ITPRID1: variants seen among roughly 807,000 people sequenced by gnomAD.
ITPRID1 encodes ITPR interacting domain containing 1, also known as protein ITPRID1.
ITPRID1 carries 96 observed loss-of-function variants against 95.4 expected under a neutral mutation model. The observed-to-expected ratio is 1.01, with a 90% CI of 0.85 to 1.19. The LOEUF is 1.19. Ranked by LOEUF, ITPRID1 falls within the 50% of genes most tolerant of loss-of-function variation. The pLI is 0.00. For synonymous variants in ITPRID1, 510 were observed against 453.6 expected (o/e 1.12, Z -1.58); for missense variants, 1,339 against 1,252.9 (o/e 1.07, Z -1.04).
At chr7:31,627,223 A>ATGAT (rs1788546937) in intron 10 of ITPRID1, among the ~76,000 whole-genome samples, 1 of 152,224 alleles carries the variant, frequency 6.6e-6, no homozygotes, top group Non-Finnish European at 1.5e-5. Context: ...CAATCAGTAA[A>ATGAT]TGATTGTTAC....
intron 7 of ITPRID1, among the ~76,000 whole-genome samples, chr7:31,574,008 T>G (rs1338318557): frequency 1.3e-5 from 2 of 152,074 alleles, no homozygotes; most frequent in Non-Finnish European, 2.9e-5. Context: ...CAGAACACAT[T>G]TTAATTCTAC....
At chr7:31,539,462 G>A (rs1219429453) in intron 1 of ITPRID1, among the ~76,000 whole-genome samples, 1 of 152,168 alleles carries the variant, frequency 6.6e-6, no homozygotes, top group African/African-American at 2.4e-5. Flanking sequence ...TTACAGATGT[G>A]AGGCACTGCA....
At position 31,651,147 on chromosome 7, in the gene ITPRID1, A is replaced by G; in HGVS notation, c.2589A>G (p.Thr863=). The change falls in exon 13 of 15, where the codon ACA becomes ACG. Residue 863 remains threonine (T), a synonymous_variant. Coordinates refer to ENST00000615280, the MANE Select transcript of ITPRID1 (RefSeq NM_001257967.3). ...TTCTTTCTCATTGTTCTCAGTGCAC[A>G]GTCCATGAGATGGAAGCCATGAAGA... ...DTTVRELCSC[T]VHEMEAMKTI... is the part of the protein sequence containing the mutation. 1.2e-6 allele frequency: 2 copies of G among 1,612,954 alleles called. No individual in the cohort carries two copies. The highest frequency in any genetic ancestry group is 1.3e-5 in the African/African-American group (1 of 75,006).
chr7:31,553,625 T>C (rs941913050), intron 3 of ITPRID1, among the ~76,000 whole-genome samples: 2 of 152,190 alleles, frequency 1.3e-5, no homozygotes, highest in Admixed American at 6.5e-5. Flanking sequence ...CCTGCCCCCA[T>C]TATGTAACTG....
chr7:31,650,939 GC>G (rs1309961601), intron 12 of ITPRID1, among the ~76,000 whole-genome samples: 1 of 152,100 alleles, frequency 6.6e-6, no homozygotes, highest in Admixed American at 6.6e-5. Context: ...AACAACAGCT[GC>G]CCTTCTGTTG....
At chr7:31,616,620 TTTA>T in intron 10 of ITPRID1, among the ~76,000 whole-genome samples, 1 of 152,298 alleles carries the variant, frequency 6.6e-6, no homozygotes, top group South Asian at 2.1e-4. Context: ...TTATTTCAGC[TTTA>T]GAAATAAATA....
At position 31,646,878 on chromosome 7, in the gene ITPRID1, CA is replaced by C. The variant is rs577956117; in HGVS notation, c.2583+2932del. ...TTTCCTCTTAGAATTTGCAATTATA[CA>C]AAAAAAGGTACTTTTATATCCAGTT... On this transcript the variant is annotated intron_variant, in intron 12 of 14. Transcript: ENST00000615280. 1.8e-4 allele frequency among the ~76,000 whole-genome samples: 27 copies of C among 151,992 alleles called. No homozygotes were observed. The South Asian group carries it at 5.0e-3, about 28-fold the overall frequency.
chr7:31,560,474 C>T (rs1329502985), intron 5 of ITPRID1, among the ~76,000 whole-genome samples: 2 of 152,222 alleles, frequency 1.3e-5, no homozygotes, highest in Non-Finnish European at 2.9e-5. Context: ...AGGGTTGAAG[C>T]GGGATCCCAG....
intron 5 of ITPRID1, among the ~76,000 whole-genome samples, chr7:31,556,117 G>C (rs1025829020): frequency 6.6e-6 from 1 of 151,978 alleles, no homozygotes; most frequent in Non-Finnish European, 1.5e-5. Flanking sequence ...CATACTAAAA[G>C]CTTCACTTCC....
intron 10 of ITPRID1, among the ~76,000 whole-genome samples, chr7:31,596,958 A>G (rs535382655): frequency 1.3e-5 from 2 of 152,078 alleles, no homozygotes; most frequent in African/African-American, 4.8e-5. Flanking sequence ...TTTTTCATAA[A>G]TTTGAGGATG....
chr7:31,532,301 G>A (rs966293521), intron 1 of ITPRID1, among the ~76,000 whole-genome samples: 1 of 152,052 alleles, frequency 6.6e-6, no homozygotes, highest in African/African-American at 2.4e-5. Flanking sequence ...TGTTTGTTAT[G>A]TTGCCCATTA....
chr7:31,535,676 T>G (rs1207290961), intron 1 of ITPRID1, among the ~76,000 whole-genome samples: 1 of 152,076 alleles, frequency 6.6e-6, no homozygotes, highest in Non-Finnish European at 1.5e-5. Flanking sequence ...CTTTTAGCAT[T>G]TTTTTAACAT....
chr7:31,619,036 C>G (rs949558428), intron 10 of ITPRID1, among the ~76,000 whole-genome samples: 2 of 152,218 alleles, frequency 1.3e-5, no homozygotes, highest in Non-Finnish European at 2.9e-5. Flanking sequence ...CCTCTCTGCT[C>G]TCTTCCCTGA....
At chr7:31,642,029 C>G in intron 10 of ITPRID1, 147 bp from the exon 11 acceptor site, 1 of 508,074 alleles carries the variant, frequency 2.0e-6, no homozygotes, top group Admixed American at 3.8e-5. Flanking sequence ...AAAAAATGTC[C>G]TTGGAATTCC....
intron 10 of ITPRID1, among the ~76,000 whole-genome samples, chr7:31,601,321 C>A (rs1050975347): frequency 8.5e-5 from 13 of 152,136 alleles, no homozygotes; most frequent in African/African-American, 3.1e-4. Flanking sequence ...CATATTAATT[C>A]ATGGAAACTT....
chr7:31,619,947 G>T (rs1219682634), intron 10 of ITPRID1, among the ~76,000 whole-genome samples: 1 of 152,192 alleles, frequency 6.6e-6, no homozygotes. Flanking sequence ...GGCGCACCAG[G>T]AGACTATATC....
chr7:31,656,452 T>C lies in ITPRID1; in HGVS notation c.*3623T>C. On this transcript the variant is annotated 3_prime_UTR_variant, in exon 15 of 15. Coordinates refer to ENST00000615280, the MANE Select transcript of ITPRID1 (RefSeq NM_001257967.3). ...TCACGTAGTAAGTGTTCAATGCATG[T>C]TGGCTATTATTACAAGTGCACATAC... is the stretch of plus-strand genomic sequence containing the variant. 1.1e-6 allele frequency: 1 copy of C among 949,804 alleles called. No individual in the cohort carries two copies. The highest frequency in any genetic ancestry group is 1.3e-6 in the Non-Finnish European group (1 of 797,472). 58.8% of individuals were successfully genotyped at this position (949,804 alleles called of 1,614,324 possible). A position where few individuals can be genotyped will look rare whatever the true frequency, so the allele number is the denominator to read the frequency against.
intron 10 of ITPRID1, among the ~76,000 whole-genome samples, chr7:31,586,027 C>T (rs919784682): frequency 2.0e-4 from 28 of 143,268 alleles, no homozygotes; most frequent in African/African-American, 6.9e-4. Flanking sequence ...GTGTGATATT[C>T]CCCTTCCTGT....
At chr7:31,621,195 C>A (rs1401792496) in intron 10 of ITPRID1, among the ~76,000 whole-genome samples, 1 of 152,060 alleles carries the variant, frequency 6.6e-6, no homozygotes, top group African/African-American at 2.4e-5. Context: ...AGGATATTAT[C>A]CAGGAGAACT....
Sources: allele counts gnomAD v4.1 joint callset (sites outside exome capture counted in the v4.1 genomes callset), GRCh38; gene constraint gnomAD v4.1.1; transcripts MANE v1.5; gene names NCBI Gene and HGNC (gene_info 2026-07-23, HGNC 2026-07-21).